Variants in ASIC2 observed in about 807,000 individuals in gnomAD.
ASIC2 encodes the protein acid sensing ion channel subunit 2.
Under a neutral mutation model 57.3 loss-of-function variants are expected in ASIC2, and 25 were observed. That is an observed-to-expected ratio of 0.44 (90% CI 0.32 to 0.61). The LOEUF (loss-of-function observed/expected upper bound fraction) is 0.61, where lower values mean the gene tolerates loss of function less well. Among genes scored for constraint, ASIC2 ranks in the 20% least tolerant of loss-of-function variants. ASIC2 has a pLI of 0.06. For missense variants in ASIC2, 641 were observed against 738.1 expected (o/e 0.87, Z 1.52); for synonymous variants, 319 against 307.5 (o/e 1.04, Z -0.39).
chr17:33,289,829 G>T (rs1905346915), intron 1 of ASIC2, among the ~76,000 whole-genome samples: 1 of 152,184 alleles, frequency 6.6e-6, no homozygotes, highest in African/African-American at 2.4e-5. Flanking sequence ...ACTTGGAGCA[G>T]GAGCGAGGGC....
chr17:33,956,072 T>C (rs1904725604), intron 1 of ASIC2, among the ~76,000 whole-genome samples: 1 of 152,026 alleles, frequency 6.6e-6, no homozygotes. Flanking sequence ...TAGAGACAAG[T>C]CAGAGGTAGA....
At chr17:33,801,303 G>T (rs974630041) in intron 1 of ASIC2, among the ~76,000 whole-genome samples, 1 of 152,168 alleles carries the variant, frequency 6.6e-6, no homozygotes, top group African/African-American at 2.4e-5. Context: ...AGGAGAGCCC[G>T]CTGGGACTAA....
intron 1 of ASIC2, among the ~76,000 whole-genome samples, chr17:33,447,988 C>G (rs1912092697): frequency 6.7e-6 from 1 of 148,348 alleles, no homozygotes; most frequent in South Asian, 2.1e-4. Context: ...TTGATCTTCA[C>G]TAATTATATG....
intron 1 of ASIC2, among the ~76,000 whole-genome samples, chr17:33,636,084 T>C (rs558587936): frequency 6.6e-6 from 1 of 152,238 alleles, no homozygotes; most frequent in Non-Finnish European, 1.5e-5. Context: ...TATTGCATTA[T>C]TTTGTTTTTG....
intron 3 of ASIC2, among the ~76,000 whole-genome samples, chr17:33,043,217 A>G (rs924511638): frequency 1.3e-5 from 2 of 151,962 alleles, no homozygotes; most frequent in African/African-American, 4.8e-5. Context: ...GAGCCACCAC[A>G]CTCGGCACAT....
At chr17:33,932,115 G>A (rs1915944454) in intron 1 of ASIC2, among the ~76,000 whole-genome samples, 2 of 152,114 alleles carry the variant, frequency 1.3e-5, no homozygotes, top group Admixed American at 1.3e-4. Context: ...TTCCCAGGGT[G>A]ATCTGGAATG....
intron 1 of ASIC2, among the ~76,000 whole-genome samples, chr17:33,531,447 A>G (rs1915048281): frequency 6.6e-6 from 1 of 152,170 alleles, no homozygotes. Context: ...CTGCTTCTTG[A>G]GAGGCGTTCG....
chr17:33,982,925 CA>C (rs909208755), intron 1 of ASIC2, among the ~76,000 whole-genome samples: 44 of 152,308 alleles, frequency 2.9e-4, no homozygotes, highest in African/African-American at 1.0e-3. Context: ...TACAAGAACT[CA>C]AAGTCTTCTA....
chr17:33,206,545 G>C (rs934148979), intron 1 of ASIC2, among the ~76,000 whole-genome samples: 1 of 152,168 alleles, frequency 6.6e-6, no homozygotes, highest in African/African-American at 2.4e-5. Context: ...TATGAGTATA[G>C]GCCTCTCAGA....
intron 1 of ASIC2, among the ~76,000 whole-genome samples, chr17:33,179,905 A>G (rs1905909348): frequency 2.0e-5 from 3 of 152,216 alleles, no homozygotes; most frequent in Admixed American, 2.0e-4. Flanking sequence ...GCAGGGGTGC[A>G]GAAATGTTTG....
rs372126676 is a variant in ASIC2 at position 33,681,447 on chromosome 17, C to T, written c.555+474531G>A. Among the ~76,000 whole-genome samples the T allele has an allele frequency of 1.3e-4, 20 of 152,166 alleles. No individual in the cohort carries two copies. In the East Asian group the frequency reaches 1.4e-3, roughly 10 times the overall value. On this transcript the variant is annotated intron_variant, in intron 1 of 9. Transcript: ENST00000359872. The stretch of plus-strand genomic sequence containing the variant: ...AATGTCCCCTAGAGGGCAAAATCCC[C>T]GCCACAATGTATATGTGGGTTGGGA...
intron 1 of ASIC2, among the ~76,000 whole-genome samples, chr17:33,159,243 G>A (rs1722235940): frequency 6.6e-6 from 1 of 152,232 alleles, no homozygotes; most frequent in Non-Finnish European, 1.5e-5. Context: ...AGGCATGTAT[G>A]CATTGCACTT....
intron 1 of ASIC2, among the ~76,000 whole-genome samples, chr17:33,768,320 T>A (rs540986434): frequency 7.2e-5 from 11 of 152,286 alleles, no homozygotes; most frequent in African/African-American, 1.7e-4. Context: ...TACATTTTTT[T>A]AAAAAGTAAC....
At position 33,793,036 on chromosome 17, in the gene ASIC2, T is replaced by A. The variant is rs551254786; in HGVS notation, c.555+362942A>T. On this transcript the variant is annotated intron_variant, in intron 1 of 9. Transcript: ENST00000359872. ...GTCCTACCTGTAGCATTTGAAGTAA[T>A]TAACAAAATGCTTTTCAAACAGTAC... is the stretch of plus-strand genomic sequence containing the variant. 6 of 152,210 alleles carry A rather than the reference T, an allele frequency of 3.9e-5. No individual in the cohort carries two copies. The South Asian group carries it at 1.2e-3, about 32-fold the overall frequency. The allele number at this position is 152,210 out of a possible 1,614,324, so 9.4% of individuals were successfully genotyped here.
intron 1 of ASIC2, among the ~76,000 whole-genome samples, chr17:33,228,715 A>G (rs1238039969): frequency 2.0e-5 from 3 of 152,252 alleles, no homozygotes; most frequent in South Asian, 2.1e-4. Flanking sequence ...AAATGTTGAC[A>G]TCGGCCTCCT....
intron 1 of ASIC2, among the ~76,000 whole-genome samples, chr17:33,854,884 C>A (rs959571629): frequency 2.0e-5 from 3 of 152,104 alleles, no homozygotes; most frequent in African/African-American, 7.3e-5. Context: ...TAAAAAAACA[C>A]GTGCTGTCTC....
chr17:34,063,696 C>G (rs1289720607), intron 1 of ASIC2, among the ~76,000 whole-genome samples: 1 of 152,074 alleles, frequency 6.6e-6, no homozygotes, highest in African/African-American at 2.4e-5. Context: ...TTAATGTACA[C>G]AAATTAGTAG....
chr17:34,119,983 A>T (rs1466181229), intron 1 of ASIC2: 2 of 152,260 alleles, frequency 1.3e-5, no homozygotes, highest in African/African-American at 4.8e-5. Context: ...TGCACCTCAG[A>T]ACAGCAGGCA....
chr17:33,867,044 C>A (rs1567739535), intron 1 of ASIC2, among the ~76,000 whole-genome samples: 1 of 152,170 alleles, frequency 6.6e-6, no homozygotes, highest in Non-Finnish European at 1.5e-5. Context: ...GCTACTGCTG[C>A]AGACGTTGAT....
Sources: gnomAD v4.1 joint callset for allele counts (sites outside exome capture counted in the v4.1 genomes callset) on GRCh38, gnomAD v4.1.1 for gene constraint, MANE v1.5 for transcripts, NCBI Gene and HGNC (gene_info 2026-07-23, HGNC 2026-07-21) for gene names.